Variants in PPP1R9A observed in about 807,000 individuals in gnomAD.
The protein encoded by PPP1R9A is neurabin-1.
A neutral mutation model predicts 141.9 loss-of-function variants in PPP1R9A; 59 were observed. The observed-to-expected ratio is 0.42, with a 90% CI of 0.34 to 0.52. The LOEUF is 0.52. Among genes scored for constraint, PPP1R9A ranks in the 20% least tolerant of loss-of-function variants. The pLI is 0.10. For missense variants in PPP1R9A, 1,444 were observed against 1,611.9 expected, an observed-to-expected ratio of 0.90 and a Z score of 1.78; for synonymous variants, 500 against 569.7, an observed-to-expected ratio of 0.88 and a Z score of 1.74.
At chr7:94,989,764 T>G (rs1801277437) in intron 2 of PPP1R9A, among the ~76,000 whole-genome samples, 2 of 152,130 alleles carry the variant, frequency 1.3e-5, no homozygotes, top group Non-Finnish European at 2.9e-5. Context: ...CATGTTTTCT[T>G]ATACAACTTA....
chr7:95,049,562 C>T (rs546023178), intron 2 of PPP1R9A, among the ~76,000 whole-genome samples: 1 of 152,258 alleles, frequency 6.6e-6, no homozygotes, highest in Admixed American at 6.5e-5. Context: ...CCATAGTTTA[C>T]ATTGGGGTTC....
intron 5 of PPP1R9A, among the ~76,000 whole-genome samples, chr7:95,162,696 T>A (rs951042185): frequency 2.6e-5 from 4 of 152,234 alleles, no homozygotes; most frequent in Non-Finnish European, 4.4e-5. Flanking sequence ...TGTGTAATGA[T>A]GAAAATGGTT....
intron 2 of PPP1R9A, among the ~76,000 whole-genome samples, chr7:94,931,725 T>G (rs1401646582): frequency 6.6e-6 from 1 of 152,134 alleles, no homozygotes; most frequent in Non-Finnish European, 1.5e-5. Flanking sequence ...ATTATAAGCA[T>G]GCGCCACTAC....
At chr7:95,246,898 G>A (rs1180983606) in intron 8 of PPP1R9A, among the ~76,000 whole-genome samples, 3 of 152,102 alleles carry the variant, frequency 2.0e-5, no homozygotes, top group Non-Finnish European at 4.4e-5. Context: ...TCTTTTGGAG[G>A]ACAGAAATCT....
intron 7 of PPP1R9A, among the ~76,000 whole-genome samples, chr7:95,204,347 G>A (rs1402073616): frequency 6.6e-6 from 1 of 152,180 alleles, no homozygotes; most frequent in South Asian, 2.1e-4. Flanking sequence ...GTAAAAGGCA[G>A]GCTGATTTAT....
At chr7:95,257,286 C>A (rs1799721197) in intron 12 of PPP1R9A, among the ~76,000 whole-genome samples, 1 of 152,132 alleles carries the variant, frequency 6.6e-6, no homozygotes, top group South Asian at 2.1e-4. Flanking sequence ...CAGAAGCAGA[C>A]TGACACATTT....
At chr7:95,155,356 A>G (rs1375436728) in intron 4 of PPP1R9A, 2 of 151,966 alleles carry the variant, frequency 1.3e-5, no homozygotes, top group Non-Finnish European at 2.9e-5. Flanking sequence ...ACACCTGGCT[A>G]ATTTCTGTAT....
In PPP1R9A at chr7:95,290,242, G is replaced by A; in HGVS notation, c.4064G>A (p.Arg1355Lys). Residue 1355 changes from arginine (R) to lysine (K), a missense_variant, in exon 20 of 20, where the codon AGG becomes AAG. Around this residue, in one of 5 missense-constraint regions of PPP1R9A, gnomAD observed 459 missense variants for 513.8 expected, o/e 0.89. Coordinates refer to ENST00000433360, the MANE Select transcript of PPP1R9A (RefSeq NM_001166160.2). Reference sequence around the variant, plus strand: ...AGAAAGGAGCAAGAGCAAATGCAGAGGAAGTCCAAAAAGACAGAAAAGATG... The same window carrying A: ...AGAAAGGAGCAAGAGCAAATGCAGAAGAAGTCCAAAAAGACAGAAAAGATG... Reference protein sequence around the residue: ...LRRKEQEQMQRKSKKTEKMTS... With the variant: ...LRRKEQEQMQKKSKKTEKMTS... 6.2e-7 allele frequency: 1 copy of A among 1,613,396 alleles called. No individual in the cohort carries two copies. Among genetic ancestry groups the A allele is most frequent in the Non-Finnish European group, 8.5e-7 (1 of 1,179,692 alleles).
At chr7:95,187,038 G>A (rs116979416) in intron 5 of PPP1R9A, among the ~76,000 whole-genome samples, 3,149 of 152,156 alleles carry the variant, frequency 0.021, 71 homozygotes, top group East Asian at 0.072. Flanking sequence ...ATGATTTAGG[G>A]AGGATTCCCT....
chr7:95,025,857 G>T (rs1806757687), intron 2 of PPP1R9A, among the ~76,000 whole-genome samples: 1 of 151,982 alleles, frequency 6.6e-6, no homozygotes, highest in African/African-American at 2.4e-5. Context: ...TCTTCAGTTT[G>T]ATCAATTTGG....
intron 4 of PPP1R9A, among the ~76,000 whole-genome samples, chr7:95,131,063 G>A (rs1196065437): frequency 6.6e-6 from 1 of 152,148 alleles, no homozygotes; most frequent in Non-Finnish European, 1.5e-5. Context: ...GTCAGGACAT[G>A]TGATTTGGCA....
chr7:95,225,865 G>T, intron 7 of PPP1R9A, 96 bp from the exon 8 acceptor site: 1 of 1,306,366 alleles, frequency 7.7e-7, no homozygotes, highest in Admixed American at 2.3e-5. Context: ...TACCATTTGG[G>T]TACATGTCTT....
chr7:95,119,118 C>T (rs1458985001), intron 3 of PPP1R9A, among the ~76,000 whole-genome samples: 2 of 152,120 alleles, frequency 1.3e-5, no homozygotes, highest in African/African-American at 2.4e-5. Context: ...TAATCCATCA[C>T]TGTTGATTAG....
intron 16 of PPP1R9A, among the ~76,000 whole-genome samples, chr7:95,282,149 A>ATTTATTT (rs60833867): frequency 7.2e-6 from 1 of 138,028 alleles, no homozygotes; most frequent in African/African-American, 2.9e-5. Flanking sequence ...TCAATAGCAT[A>ATTTATTT]ATAAACCCCT....
chr7:95,079,358 A>G (rs1815404982), intron 2 of PPP1R9A, among the ~76,000 whole-genome samples: 1 of 152,178 alleles, frequency 6.6e-6, no homozygotes, highest in African/African-American at 2.4e-5. Flanking sequence ...TTTTGGTACC[A>G]GTACCATGCT....
chr7:95,064,669 G>C (rs1208998995), intron 2 of PPP1R9A, among the ~76,000 whole-genome samples: 1 of 152,192 alleles, frequency 6.6e-6, no homozygotes, highest in Non-Finnish European at 1.5e-5. Flanking sequence ...CTACAGATTT[G>C]AGGTAACAAA....
rs557654862 is a variant in PPP1R9A, at chr7:95,007,105, G to A, written c.1395+95597G>A. Among the ~76,000 whole-genome samples the A allele has an allele frequency of 1.9e-3, 292 of 152,022 alleles. 2 individuals are homozygous for A. Among genetic ancestry groups the A allele is most frequent in the African/African-American group, 6.5e-3 (271 of 41,458 alleles). On this transcript the variant is annotated intron_variant, in intron 2 of 19. Coordinates refer to ENST00000433360, the MANE Select transcript of PPP1R9A (RefSeq NM_001166160.2). ...TTGAACTCCCGACCTCAGGTGATCC[G>A]CCCATCTCAGCCTCCCAAAGTGCTG... is the stretch of plus-strand genomic sequence containing the variant.
intron 4 of PPP1R9A, among the ~76,000 whole-genome samples, chr7:95,122,335 C>T (rs1464143119): frequency 2.0e-5 from 3 of 151,950 alleles, no homozygotes; most frequent in South Asian, 2.1e-4. Context: ...TTAGTAGAGA[C>T]GGGGTTTCAC....
At chr7:95,156,325 C>T (rs1468156901) in intron 4 of PPP1R9A, 1 of 152,292 alleles carries the variant, frequency 6.6e-6, no homozygotes, top group Non-Finnish European at 1.5e-5. Context: ...TACTAGGCAC[C>T]ACAGGACCCC....
Sources: gnomAD v4.1 joint callset for allele counts (sites outside exome capture counted in the v4.1 genomes callset) on GRCh38, gnomAD v4.1.1 for gene constraint, gnomAD v4.1.1 regional missense constraint, MANE v1.5 for transcripts, NCBI Gene and HGNC (gene_info 2026-07-23, HGNC 2026-07-21) for gene names.